DHDDS: variants seen among roughly 807,000 people sequenced by gnomAD.
The protein encoded by DHDDS is dehydrodolichyl diphosphate synthase subunit, also known as dehydrodolichyl diphosphate synthase complex subunit DHDDS.
In DHDDS, 16 loss-of-function variants were observed where a neutral mutation model predicts 46.2. The ratio of observed to expected loss-of-function variants is 0.35; its 90% CI spans 0.23 to 0.53. The LOEUF (loss-of-function observed/expected upper bound fraction) is 0.53, where lower values mean the gene tolerates loss of function less well. Among genes scored for constraint, DHDDS ranks in the 20% least tolerant of loss-of-function variants. The probability of loss-of-function intolerance (pLI) is 0.94; values close to 1 mark genes in which losing one functional copy is unlikely to be tolerated. For synonymous variants in DHDDS, 151 were observed against 163.1 expected (o/e 0.93, Z 0.56); for missense variants, 340 against 423.7 (o/e 0.80, Z 1.73).
At chr1:26,461,648 G>A (rs1227360308) in intron 8 of DHDDS, among the ~76,000 whole-genome samples, 1 of 152,204 alleles carries the variant, frequency 6.6e-6, no homozygotes, top group East Asian at 1.9e-4. Flanking sequence ...GCTTCCCAAA[G>A]TGATGGGATT....
chr1:26,458,318 T>C (rs2075389975), intron 7 of DHDDS, among the ~76,000 whole-genome samples: 1 of 152,234 alleles, frequency 6.6e-6, no homozygotes, highest in African/African-American at 2.4e-5. Flanking sequence ...CACTCAAGTC[T>C]CTATCCCCTG....
rs754405782 is a variant in DHDDS at position 26,442,722 on chromosome 1, C to T, written c.181-9C>T. 3.7e-6 allele frequency: 6 copies of T among 1,614,086 alleles called. No homozygotes were observed. The highest frequency in any genetic ancestry group is 1.1e-5 in the South Asian group (1 of 91,064). On this transcript the variant is annotated splice_polypyrimidine_tract_variant and intron_variant, in intron 3 of 8. Coordinates refer to ENST00000236342, the MANE Select transcript of DHDDS (RefSeq NM_205861.3). ...TTGTATCCTAGCTCCTTGCCTTCTC[C>T]CCTCTCAGACTCTGCGGTGGTGTTT... is the stretch of plus-strand genomic sequence containing the variant.
intron 3 of DHDDS, among the ~76,000 whole-genome samples, chr1:26,442,121 T>C (rs951228851): frequency 6.6e-6 from 1 of 152,224 alleles, no homozygotes; most frequent in Non-Finnish European, 1.5e-5. Context: ...GCCTGTTTTA[T>C]CATTTGTAAA....
intron 6 of DHDDS, among the ~76,000 whole-genome samples, chr1:26,454,254 A>G (rs962481881): frequency 1.3e-5 from 2 of 151,790 alleles, no homozygotes; most frequent in African/African-American, 4.8e-5. Context: ...CGCCTGGCCA[A>G]CCCCTTTGTT....
Position 26,469,124 on chromosome 1 carries a change from C to G in DHDDS, c.995C>G (p.Ser332Ter), listed in dbSNP as rs770732789. ...TGGCTGGCCCGTCTGGGCACTGCAT[C>G]AGCCTGAATGAGGCTGGCCACCTGC... ...ADWLARLGTASA is the reference protein window; with the variant it reads ...ADWLARLGTA Residue 332 changes from serine to a stop codon, truncating the protein, a stop_gained, in exon 9 of 9, where the codon TCA becomes TGA. Coordinates refer to ENST00000236342, the MANE Select transcript of DHDDS (RefSeq NM_205861.3). LOFTEE classifies it high-confidence loss of function. The G allele has an allele frequency of 6.2e-6, 10 of 1,611,788 alleles. No homozygotes were observed. The Middle Eastern group carries it at 6.2e-4, about 100-fold the overall frequency.
At chr1:26,454,838 A>G (rs2075355883) in intron 6 of DHDDS, 20 of 1,583,878 alleles carry the variant, frequency 1.3e-5, no homozygotes, top group Non-Finnish European at 1.6e-5. Flanking sequence ...GTTCACTTGG[A>G]TATGCTCAAT....
Position 26,438,257 on chromosome 1 carries a change from C to T in DHDDS, c.153C>T (p.His51=). ...KKCQVERQEG[H]SQGFNKLAET... is the part of the protein sequence containing the mutation. ...GCCAGGTGGAGCGGCAGGAAGGCCA[C>T]TCACAGGGCTTCAACAAGCTAGCTG... Residue 51 remains histidine (H), a synonymous_variant, in exon 3 of 9, where the codon CAC becomes CAT. Coordinates refer to ENST00000236342, the MANE Select transcript of DHDDS (RefSeq NM_205861.3). 6.2e-7 allele frequency: 1 copy of T among 1,614,082 alleles called. No homozygotes were observed.
chr1:26,441,819 G>A (rs1037720152), intron 3 of DHDDS, among the ~76,000 whole-genome samples: 6 of 151,026 alleles, frequency 4.0e-5, no homozygotes, highest in South Asian at 2.1e-4. Context: ...TCACTTGAAC[G>A]TAGGAGGTGG....
At chr1:26,468,802 C>A in intron 8 of DHDDS, 93 bp from the exon 9 acceptor site, 1 of 1,268,492 alleles carries the variant, frequency 7.9e-7, no homozygotes, top group Non-Finnish European at 1.1e-6. Flanking sequence ...TTCACTTGGC[C>A]CACCCTGTGC....
Position 26,469,166 on chromosome 1 carries a change from C to T in DHDDS, c.*35C>T. The T allele has an allele frequency of 2.5e-6, 4 of 1,611,126 alleles. No homozygotes were observed. Among genetic ancestry groups the T allele is most frequent in the Non-Finnish European group, 3.4e-6 (4 of 1,180,030 alleles). On this transcript the variant is annotated 3_prime_UTR_variant, in exon 9 of 9. Transcript: ENST00000236342. ...GCCACCTGCCACTTTGCCCTGCCCT[C>T]TGCCTCCAGGGCTCCACTCCCCTTC...
chr1:26,456,419 G>A (rs2075370814), intron 6 of DHDDS, among the ~76,000 whole-genome samples: 1 of 152,064 alleles, frequency 6.6e-6, no homozygotes, highest in East Asian at 1.9e-4. Context: ...TTGAGACAGA[G>A]CCTCGCTCTG....
intron 2 of DHDDS, 127 bp downstream of exon 2, chr1:26,433,135 CAA>C: frequency 3.0e-6 from 3 of 1,002,226 alleles, no homozygotes; most frequent in South Asian, 1.4e-5. Context: ...GCAAGGAAAC[CAA>C]AGAGTCTTAG....
intron 8 of DHDDS, among the ~76,000 whole-genome samples, chr1:26,466,620 C>G (rs1486588296): frequency 6.6e-6 from 1 of 152,220 alleles, no homozygotes; most frequent in Non-Finnish European, 1.5e-5. Context: ...GGCTACAGCC[C>G]CCATTGCTGG....
At chr1:26,459,492 C>A (rs1488887718) in intron 7 of DHDDS, among the ~76,000 whole-genome samples, 1 of 152,194 alleles carries the variant, frequency 6.6e-6, no homozygotes, top group African/African-American at 2.4e-5. Flanking sequence ...TTCCTATTAT[C>A]CAGTTTTACA....
rs2075231676 is a variant in DHDDS, at chr1:26,442,814, T to C, written c.264T>C (p.Ser88=). 2 of 1,613,904 alleles carry C rather than the reference T, an allele frequency of 1.2e-6. No individual in the cohort carries two copies. Among genetic ancestry groups the C allele is most frequent in the African/African-American group, 2.7e-5 (2 of 74,938 alleles). The change falls in exon 4 of 9, where the codon AGT becomes AGC. Residue 88 remains serine (S), a synonymous_variant. Transcript: ENST00000236342. ...TTGAGAACTTCAAACGCTCCAAGAG[T>C]GAGGTAGACGGGCTTATGGATCTGG... ...FSIENFKRSK[S]EVDGLMDLAR...
chr1:26,437,216 A>G (rs1261961683), intron 2 of DHDDS, among the ~76,000 whole-genome samples: 1 of 152,100 alleles, frequency 6.6e-6, no homozygotes, highest in Non-Finnish European at 1.5e-5. Context: ...AGTCACTAGA[A>G]CTCTCTGAGC....
chr1:26,452,296 G>A (rs2075329259), intron 6 of DHDDS, among the ~76,000 whole-genome samples: 1 of 152,150 alleles, frequency 6.6e-6, no homozygotes. Flanking sequence ...TCCTGCCTTG[G>A]CCTCCCAAAG....
chr1:26,446,648 TTC>T (rs2075271934), intron 5 of DHDDS, among the ~76,000 whole-genome samples: 1 of 152,060 alleles, frequency 6.6e-6, no homozygotes, highest in South Asian at 2.1e-4. Context: ...TACACATAGT[TTC>T]TCTTTCCTCC....
intron 3 of DHDDS, among the ~76,000 whole-genome samples, chr1:26,440,001 G>A (rs2075202452): frequency 6.8e-6 from 1 of 147,380 alleles, no homozygotes; most frequent in Non-Finnish European, 1.5e-5. Flanking sequence ...TTAGCCGGGC[G>A]TGGTGGCGGG....
Sources: gnomAD v4.1 joint callset for allele counts (sites outside exome capture counted in the v4.1 genomes callset) on GRCh38, gnomAD v4.1.1 for gene constraint, MANE v1.5 for transcripts, NCBI Gene and HGNC (gene_info 2026-07-23, HGNC 2026-07-21) for gene names.